CNIH3: variants seen among roughly 807,000 people sequenced by gnomAD.
The protein encoded by CNIH3 is protein cornichon homolog 3.
Under a neutral mutation model 24.1 loss-of-function variants are expected in CNIH3, and 14 were observed. The observed-to-expected ratio is 0.58, with a 90% CI of 0.38 to 0.91. The LOEUF is 0.91. CNIH3 is among the 40% of genes least tolerant of loss of function. The probability of loss-of-function intolerance (pLI) is 0.00; values close to 1 mark genes in which losing one functional copy is unlikely to be tolerated. For missense variants in CNIH3, 178 were observed against 196.8 expected, an observed-to-expected ratio of 0.90 and a Z score of 0.57; for synonymous variants, 68 against 73.8, an observed-to-expected ratio of 0.92 and a Z score of 0.40.
At chr1:224,621,897 C>A (rs1408876203) in intron 1 of CNIH3, among the ~76,000 whole-genome samples, 1 of 152,086 alleles carries the variant, frequency 6.6e-6, no homozygotes, top group Non-Finnish European at 1.5e-5. Flanking sequence ...GTAATTGAAT[C>A]GTGGGGGATG....
intron 1 of CNIH3, among the ~76,000 whole-genome samples, chr1:224,482,992 G>A (rs1366387457): frequency 6.6e-6 from 1 of 152,110 alleles, no homozygotes; most frequent in South Asian, 2.1e-4. Context: ...GCTGAGTTCT[G>A]CCCAGTGTTG....
Position 224,482,684 on chromosome 1 carries a change from T to A in CNIH3, n.204-33057T>A, listed in dbSNP as rs1459162917. 2.0e-5 allele frequency among the ~76,000 whole-genome samples: 3 copies of A among 151,954 alleles called. No individual in the cohort carries two copies. In the East Asian group the frequency reaches 5.8e-4, roughly 29 times the overall value. ...AGAAGGAAGGGGTCACTTTTGGAGC[T>A]GTGAGCTGTACTACCTAGTTTTGGG... On this transcript the variant is annotated intron_variant and non_coding_transcript_variant, in intron 1 of 5. Transcript: ENST00000471578.
chr1:224,652,996 C>A (rs1467759124), intron 1 of CNIH3, among the ~76,000 whole-genome samples: 1 of 152,240 alleles, frequency 6.6e-6, no homozygotes, highest in African/African-American at 2.4e-5. Context: ...GGAAGGCCAG[C>A]TGGAGGAAGG....
intron 3 of CNIH3, among the ~76,000 whole-genome samples, chr1:224,693,635 A>G (rs1313011278): frequency 1.3e-5 from 2 of 152,206 alleles, no homozygotes; most frequent in African/African-American, 4.8e-5. Context: ...AGAAGTGGAA[A>G]TGCGCAAGCA....
At chr1:224,563,523 A>G (rs1178006706) in intron 3 of CNIH3, among the ~76,000 whole-genome samples, 1 of 149,034 alleles carries the variant, frequency 6.7e-6, no homozygotes, top group Non-Finnish European at 1.5e-5. Flanking sequence ...GAGAGTGAGA[A>G]GAGGGGATTT....
intron 1 of CNIH3, among the ~76,000 whole-genome samples, chr1:224,653,103 T>TGGC (rs1684937408): frequency 6.6e-6 from 1 of 152,256 alleles, no homozygotes; most frequent in Non-Finnish European, 1.5e-5. Context: ...CAACCATTTT[T>TGGC]TGGCTCTCAT....
At chr1:224,519,399 G>A (rs7541917) in intron 1 of CNIH3, among the ~76,000 whole-genome samples, 40,009 of 151,800 alleles carry the variant, frequency 0.26, 6,386 homozygotes, top group African/African-American at 0.45. Flanking sequence ...AGACTAGGAC[G>A]GAACTACACC....
At chr1:224,638,462 G>T (rs969025683) in intron 1 of CNIH3, among the ~76,000 whole-genome samples, 1 of 152,150 alleles carries the variant, frequency 6.6e-6, no homozygotes, top group African/African-American at 2.4e-5. Context: ...TCTTCCCCAT[G>T]CCATGTCAGA....
chr1:224,515,971 T>C (rs955170658), intron 1 of CNIH3: 1 of 152,178 alleles, frequency 6.6e-6, no homozygotes, highest in African/African-American at 2.4e-5. Context: ...TTTAGTATTT[T>C]CTTCTTGTAC....
At chr1:224,680,781 T>C (rs191883992) in intron 1 of CNIH3, among the ~76,000 whole-genome samples, 177 bp from the exon 2 acceptor site, 1 of 152,284 alleles carries the variant, frequency 6.6e-6, no homozygotes, top group East Asian at 1.9e-4. Flanking sequence ...CAGAAGAATA[T>C]AATCAACCCC....
chr1:224,551,224 A>G (rs530167195), intron 3 of CNIH3, among the ~76,000 whole-genome samples: 1 of 152,266 alleles, frequency 6.6e-6, no homozygotes, highest in East Asian at 1.9e-4. Flanking sequence ...TACTGGGTAT[A>G]TACCCAAAGG....
At chr1:224,631,855 G>T (rs1683835803) in intron 1 of CNIH3, among the ~76,000 whole-genome samples, 1 of 152,054 alleles carries the variant, frequency 6.6e-6, no homozygotes. Flanking sequence ...ACTGATTCAT[G>T]AACTCTAAAA....
At chr1:224,485,613 C>T (rs558418836) in intron 1 of CNIH3, among the ~76,000 whole-genome samples, 27 of 152,258 alleles carry the variant, frequency 1.8e-4, no homozygotes, top group South Asian at 1.0e-3. Context: ...TTGCCTCAGC[C>T]TCCCAAGTAG....
At chr1:224,631,362 A>C (rs912629980) in intron 1 of CNIH3, among the ~76,000 whole-genome samples, 2 of 151,982 alleles carry the variant, frequency 1.3e-5, no homozygotes, top group African/African-American at 4.8e-5. Flanking sequence ...TTTGGTTTCC[A>C]ATTTGAACTC....
At chr1:224,526,138 C>T (rs1400118868) in intron 2 of CNIH3, among the ~76,000 whole-genome samples, 1 of 152,198 alleles carries the variant, frequency 6.6e-6, no homozygotes, top group Non-Finnish European at 1.5e-5. Context: ...TTTTCTATTA[C>T]AAATGTATGA....
downstream of CNIH3, among the ~76,000 whole-genome samples, chr1:224,541,248 A>G (rs1679500360): frequency 6.6e-6 from 1 of 152,174 alleles, no homozygotes; most frequent in Admixed American, 6.5e-5. Context: ...TCCGAAGGGA[A>G]ATTTGGGCCC....
intron 3 of CNIH3, among the ~76,000 whole-genome samples, chr1:224,706,436 A>G (rs1039653629): frequency 6.6e-6 from 1 of 152,142 alleles, no homozygotes; most frequent in Non-Finnish European, 1.5e-5. Flanking sequence ...GCTAGAGCAC[A>G]TGTACCCTCT....
chr1:224,588,969 T>TTTTTTTTTTTG (rs1553271537), downstream of CNIH3, among the ~76,000 whole-genome samples: 3 of 65,658 alleles, frequency 4.6e-5, no homozygotes, highest in East Asian at 1.9e-3. Context: ...TGACCCCCTG[T>TTTTTTTTTTTG]TTTTTTTTTT....
chr1:224,538,196 G>T (rs962955859), downstream of CNIH3, among the ~76,000 whole-genome samples: 1 of 152,044 alleles, frequency 6.6e-6, no homozygotes, highest in African/African-American at 2.4e-5. Flanking sequence ...TGATCCATCC[G>T]CATCAGCCTC....
Sources: gnomAD v4.1 joint callset for allele counts (sites outside exome capture counted in the v4.1 genomes callset) on GRCh38, gnomAD v4.1.1 for gene constraint, MANE v1.5 for transcripts, NCBI Gene and HGNC (gene_info 2026-07-23, HGNC 2026-07-21) for gene names.